PLEKHA4: variants seen among roughly 807,000 people sequenced by gnomAD.
PLEKHA4 encodes the protein pleckstrin homology domain containing A4.
A neutral mutation model predicts 94.7 loss-of-function variants in PLEKHA4; 73 were observed. The ratio of observed to expected loss-of-function variants is 0.77; its 90% confidence interval spans 0.64 to 0.94. The LOEUF (loss-of-function observed/expected upper bound fraction) is 0.94, where lower values mean the gene tolerates loss of function less well. Ranked by LOEUF, PLEKHA4 falls within the 40% of genes least tolerant of loss-of-function variation. The pLI is 0.00. For missense variants in PLEKHA4, 1,049 were observed against 1,054.1 expected (o/e 1.00, Z 0.07); for synonymous variants, 449 against 437.1 (o/e 1.03, Z -0.34).
At position 48,853,744 on chromosome 19, in the gene PLEKHA4, G is replaced by C. The variant is rs376085374; in HGVS notation, c.1264C>G (p.Arg422Gly). The C allele has an allele frequency of 1.2e-6, 2 of 1,611,712 alleles. No homozygotes were observed. Among genetic ancestry groups the C allele is most frequent in the Non-Finnish European group, 1.7e-6 (2 of 1,179,416 alleles). ...EAGAPGRAWG[R>G]QRLLQDRLVS... ...AGCCGGTCCTGCAAGAGGCGCTGGCGACCCCAGGCCCTCCCGGGAGCCCCA... is the reference window on the plus strand; with the variant it reads ...AGCCGGTCCTGCAAGAGGCGCTGGCCACCCCAGGCCCTCCCGGGAGCCCCA... The change falls in exon 12 of 20, where the codon CGC becomes GGC. Residue 422 changes from arginine to glycine, a missense_variant. Physicochemically the swap from Arg to Gly is moderately radical, Grantham distance 125 (BLOSUM62 -2). Coordinates refer to ENST00000263265, the MANE Select transcript of PLEKHA4 (RefSeq NM_020904.3).
intron 8 of PLEKHA4, 78 bp downstream of exon 8, chr19:48,858,782 A>C: frequency 2.7e-6 from 4 of 1,499,124 alleles, no homozygotes; most frequent in Non-Finnish European, 2.8e-6. Flanking sequence ...CCAGGGAGCA[A>C]TGGCCTTGAG....
chr19:48,847,875 TG>T, intron 14 of PLEKHA4, 24 bp downstream of exon 14: 1 of 1,527,520 alleles, frequency 6.5e-7, no homozygotes, highest in Non-Finnish European at 8.8e-7. Context: ...AAGCTTGGGG[TG>T]GGGAGGAATT....
Position 48,865,513 on chromosome 19 carries a change from A to G in PLEKHA4, c.182T>C (p.Leu61Pro), listed in dbSNP as rs756209199. ...TCCTACTGACCCCACCTGCTTATGA[A>G]GCCAGCCTCGGATGTGCACGGGAAG... ...PNLPVHIRGW[L>P]HKQDSSGLRL... Residue 61 changes from leucine (L) to proline (P), a missense_variant, in exon 3 of 20, where the codon CTT becomes CCT. By Grantham distance (98) the Leu-to-Pro change is moderately conservative (BLOSUM62 -3). Coordinates refer to ENST00000263265, the MANE Select transcript of PLEKHA4 (RefSeq NM_020904.3). 1 of 1,613,824 alleles carries G rather than the reference A, an allele frequency of 6.2e-7. No homozygotes were observed. Among genetic ancestry groups the G allele is most frequent in the Admixed American group, 1.7e-5 (1 of 59,980 alleles).
chr19:48,859,555 T>C lies in PLEKHA4; in HGVS notation c.606A>G (p.Arg202=), dbSNP rs776280990. 1 of 1,614,018 alleles carries C rather than the reference T, an allele frequency of 6.2e-7. No homozygotes were observed. Among genetic ancestry groups the C allele is most frequent in the East Asian group, 2.2e-5 (1 of 44,864 alleles). The change falls in exon 7 of 20, where the codon AGA becomes AGG. Residue 202 remains arginine, a synonymous_variant. Transcript: ENST00000263265. ...SESPEVTRLS[R]GRGRPRLLTP... ...TGAGCAGCCTGGGTCTACCACGACC[T>C]CTGGAGAGTCGAGTCACTTCCGGTG... is the stretch of plus-strand genomic sequence containing the variant.
intron 9 of PLEKHA4, among the ~76,000 whole-genome samples, chr19:48,854,770 G>A (rs1051580040): frequency 1.4e-5 from 2 of 141,588 alleles, no homozygotes; most frequent in African/African-American, 5.4e-5. Context: ...CATGATCATG[G>A]CTCACTGCAG....
chr19:48,838,960 A>G (rs2035651072), intron 18 of PLEKHA4, among the ~76,000 whole-genome samples: 1 of 151,858 alleles, frequency 6.6e-6, no homozygotes, highest in Non-Finnish European at 1.5e-5. Flanking sequence ...GCGCGTCACT[A>G]TCACCCAATT....
chr19:48,860,298 C>T (rs1234749134), intron 6 of PLEKHA4, 52 bp downstream of exon 6: 34 of 1,490,632 alleles, frequency 2.3e-5, no homozygotes, highest in Non-Finnish European at 2.9e-5. Flanking sequence ...GTTGGGATGA[C>T]GAGACTGACT....
chr19:48,838,179 G>A, intron 18 of PLEKHA4, 50 bp from the exon 19 acceptor site: 1 of 1,074,242 alleles, frequency 9.3e-7, no homozygotes, highest in Non-Finnish European at 1.4e-6. Context: ...TGGGGGAGAG[G>A]TGGGGGATGG....
Position 48,845,365 on chromosome 19 carries a change from C to T in PLEKHA4, c.1743+5G>A, listed in dbSNP as rs368008457. 179 of 1,612,322 alleles carry T rather than the reference C, an allele frequency of 1.1e-4. No individual in the cohort carries two copies. The highest frequency in any genetic ancestry group is 1.4e-4 in the Non-Finnish European group (168 of 1,179,788). ...CAAGGATTACAGGATGGACCTACAG[C>T]TTACCTTGGTTCCTAGCTGTGGGGA... On this transcript the variant is annotated splice_donor_5th_base_variant and intron_variant, in intron 16 of 19. Transcript: ENST00000263265.
chr19:48,842,295 C>A lies in PLEKHA4; in HGVS notation c.1744-985G>T, dbSNP rs540135293. Among the ~76,000 whole-genome samples, 24 of 152,078 alleles carry A rather than the reference C, an allele frequency of 1.6e-4. No homozygotes were observed. In the East Asian group the frequency reaches 4.6e-3, roughly 29 times the overall value. On this transcript the variant is annotated intron_variant, in intron 16 of 19. Coordinates refer to ENST00000263265, the MANE Select transcript of PLEKHA4 (RefSeq NM_020904.3). ...AGTAGCTGGGATTGAGTAGGTGGCA[C>A]CCGCCACCACGCCCAGCTAATTTTT...
In PLEKHA4 at chr19:48,859,515, T is replaced by C. The variant is rs35473731; in HGVS notation, c.646A>G (p.Thr216Ala). The C allele has an allele frequency of 4.4e-4, 708 of 1,613,798 alleles. 2 individuals carry two copies. Among genetic ancestry groups the C allele is most frequent in the Middle Eastern group, 1.3e-3 (8 of 6,062 alleles). ...RPRLLTPSPT[T>A]DLHSGLQMRR... ...ATCTGGAGTCCAGAGTGGAGGTCGG[T>C]TGTGGGGCTGGGAGTGAGCAGCCTG... is the stretch of plus-strand genomic sequence containing the variant. Residue 216 changes from threonine to alanine, a missense_variant, in exon 7 of 20, where the codon ACC becomes GCC. Transcript: ENST00000263265.
At chr19:48,862,735 G>A (rs962756197) in intron 3 of PLEKHA4, among the ~76,000 whole-genome samples, 1 of 150,212 alleles carries the variant, frequency 6.7e-6, no homozygotes, top group East Asian at 2.0e-4. Flanking sequence ...GGATGGTCTC[G>A]ATCTCCTGAC....
At chr19:48,859,376 A>G (rs1333754231) in intron 7 of PLEKHA4, 93 bp downstream of exon 7, 11 of 1,358,522 alleles carry the variant, frequency 8.1e-6, no homozygotes, top group South Asian at 1.2e-5. Flanking sequence ...AGTCACACAC[A>G]CTCAAGCAGA....
rs1378707483 is a variant in PLEKHA4 at position 48,860,335 on chromosome 19, T to A, written c.476+15A>T. 3.1e-6 allele frequency: 5 copies of A among 1,601,972 alleles called. No individual in the cohort carries two copies. The highest frequency in any genetic ancestry group is 3.4e-6 in the Non-Finnish European group (4 of 1,169,940). ...AGGGTGGAGGGTCAGGAGCATGGCTTGGACCTCTACTCACTAGTCGTCCCC... is the reference window on the plus strand; with the variant it reads ...AGGGTGGAGGGTCAGGAGCATGGCTAGGACCTCTACTCACTAGTCGTCCCC... On this transcript the variant is annotated intron_variant, in intron 6 of 19. Coordinates refer to ENST00000263265, the MANE Select transcript of PLEKHA4 (RefSeq NM_020904.3).
At position 48,867,347 on chromosome 19, in the gene PLEKHA4, G is replaced by A. The variant is rs2036866998; in HGVS notation, c.84+190C>T. On this transcript the variant is annotated intron_variant, in intron 2 of 19. Coordinates refer to ENST00000263265, the MANE Select transcript of PLEKHA4 (RefSeq NM_020904.3). This position sits in a 1 kb window ranked among gnomAD's most constrained non-coding sequence, Gnocchi z 4.7. ...TGGTTTAGAATTAGGAAAATACAAA[G>A]GGTGGGGACAGAGCTGGGAGTGCCT... is the stretch of plus-strand genomic sequence containing the variant. Among the ~76,000 whole-genome samples, 1 of 152,194 alleles carries A rather than the reference G, an allele frequency of 6.6e-6. No individual in the cohort carries two copies. The highest frequency in any genetic ancestry group is 1.5e-5 in the Non-Finnish European group (1 of 68,038).
intron 3 of PLEKHA4, among the ~76,000 whole-genome samples, chr19:48,862,325 C>T (rs575941845): frequency 4.6e-5 from 7 of 150,926 alleles, no homozygotes; most frequent in Non-Finnish European, 1.0e-4. Flanking sequence ...CTCAGCCTCC[C>T]GAGTAACTGG....
chr19:48,859,687 A>T lies in PLEKHA4; in HGVS notation c.477-3T>A, dbSNP rs765309559. ...GTGCAGGTGACCTGGGTTGCCCACTAGCGAGTGGACATAGACAAGATATCA... is the reference window on the plus strand; with the variant it reads ...GTGCAGGTGACCTGGGTTGCCCACTTGCGAGTGGACATAGACAAGATATCA... On this transcript the variant is annotated splice_polypyrimidine_tract_variant and splice_region_variant and intron_variant, in intron 6 of 19. Transcript: ENST00000263265. 1.2e-6 allele frequency: 2 copies of T among 1,610,468 alleles called. No individual in the cohort carries two copies. Among genetic ancestry groups the T allele is most frequent in the East Asian group, 4.5e-5 (2 of 44,878 alleles).
At chr19:48,860,076 G>A in intron 6 of PLEKHA4, 1 of 574,512 alleles carries the variant, frequency 1.7e-6, no homozygotes, top group Non-Finnish European at 3.1e-6. Flanking sequence ...ATCAGAGAGT[G>A]TGCAATATTG....
At chr19:48,848,464 C>A (rs1003061809) in intron 13 of PLEKHA4, among the ~76,000 whole-genome samples, 1 of 131,582 alleles carries the variant, frequency 7.6e-6, no homozygotes, top group African/African-American at 3.0e-5. Context: ...CCAGCCTGGG[C>A]GACAGAGCGA....
Sources: allele counts gnomAD v4.1 joint callset (sites outside exome capture counted in the v4.1 genomes callset), GRCh38; gene constraint gnomAD v4.1.1; non-coding constraint Gnocchi (gnomAD v3.1); transcripts MANE v1.5; gene names NCBI Gene and HGNC (gene_info 2026-07-23, HGNC 2026-07-21).